The following WDFY4 variants were observed in gnomAD, a reference collection of about 807,000 sequenced individuals.
WDFY4 encodes the protein WDFY family member 4, also known as WD repeat- and FYVE domain-containing protein 4.
WDFY4 carries 169 observed loss-of-function variants against 351.9 expected under a neutral mutation model. That is an observed-to-expected ratio of 0.48 (90% CI 0.42 to 0.55). The LOEUF (loss-of-function observed/expected upper bound fraction) is 0.55. Ranked by LOEUF, WDFY4 falls within the 20% of genes least tolerant of loss-of-function variation. The pLI is 0.00. For synonymous variants in WDFY4, 1,622 were observed against 1,574.6 expected (o/e 1.03, Z -0.71); for missense variants, 3,803 against 3,935.6 (o/e 0.97, Z 0.90).
intron 47 of WDFY4, among the ~76,000 whole-genome samples, chr10:48,936,816 C>A (rs1169231732): frequency 1.7e-4 from 21 of 127,052 alleles, no homozygotes; most frequent in African/African-American, 3.9e-4. Context: ...CCAGCCTGGG[C>A]AACAGAGTGA....
At position 48,806,084 on chromosome 10, in the gene WDFY4, C is replaced by T. The variant is rs1203207580; in HGVS notation, c.4727C>T (p.Pro1576Leu). 6.4e-7 allele frequency: 1 copy of T among 1,551,696 alleles called. No individual in the cohort carries two copies. The highest frequency in any genetic ancestry group is 1.2e-5 in the South Asian group (1 of 84,060). ...RQICMDGALD[P>L]SLPAGSQTSG... ...ATCTGCATGGACGGAGCCCTGGACC[C>T]TTCCCTGCCTGGTGAGAAGACCTTT... Residue 1576 changes from proline (P) to leucine (L), a missense_variant, in exon 27 of 62, where the codon CCT becomes CTT. Physicochemically the swap from Pro to Leu is moderately conservative, Grantham distance 98 (BLOSUM62 -3). This residue lies in a region of WDFY4 where 3,054 missense variants were observed against 3,148.6 expected (regional missense o/e 0.97). Transcript: ENST00000325239.
At chr10:48,695,861 C>T (rs535585034) in intron 1 of WDFY4, among the ~76,000 whole-genome samples, 3 of 152,144 alleles carry the variant, frequency 2.0e-5, no homozygotes, top group African/African-American at 4.8e-5. Flanking sequence ...GTACACATAC[C>T]GAGATACAGA....
At chr10:48,899,366 T>C (rs1837243549) in intron 45 of WDFY4, among the ~76,000 whole-genome samples, 1 of 152,198 alleles carries the variant, frequency 6.6e-6, no homozygotes, top group South Asian at 2.1e-4. Flanking sequence ...AGATACCTTC[T>C]CTCTGCTCAG....
At chr10:48,717,728 A>G (rs1565123824) in intron 2 of WDFY4, among the ~76,000 whole-genome samples, 1 of 152,208 alleles carries the variant, frequency 6.6e-6, no homozygotes. Flanking sequence ...ATGTTGATGC[A>G]TCTAGCTCCA....
At chr10:48,970,972 T>C (rs1284263570) in intron 57 of WDFY4, among the ~76,000 whole-genome samples, 3 of 152,168 alleles carry the variant, frequency 2.0e-5, no homozygotes, top group Admixed American at 2.0e-4. Flanking sequence ...CCCTTCTGTA[T>C]ACTAATTTTT....
At chr10:48,749,463 C>T (rs2065114507) in intron 12 of WDFY4, among the ~76,000 whole-genome samples, 1 of 152,054 alleles carries the variant, frequency 6.6e-6, no homozygotes, top group Non-Finnish European at 1.5e-5. Flanking sequence ...CATGAATACA[C>T]ACCACACATA....
At position 48,982,716 on chromosome 10, in the gene WDFY4, A is replaced by G; in HGVS notation, c.*141A>G. On this transcript the variant is annotated 3_prime_UTR_variant, in exon 62 of 62. Transcript: ENST00000325239. ...TCTCAAGGAAGGGCCTCTGGCAATC[A>G]CAGCTCTGCAGCCCAACCCTCTCCA... 1 of 802,468 alleles carries G rather than the reference A, an allele frequency of 1.2e-6. No homozygotes were observed. The highest frequency in any genetic ancestry group is 2.1e-6 in the Non-Finnish European group (1 of 483,236). 49.7% of individuals were successfully genotyped at this position (802,468 alleles called of 1,614,324 possible).
chr10:48,751,539 A>G (rs1228016708), intron 12 of WDFY4, among the ~76,000 whole-genome samples: 2 of 152,238 alleles, frequency 1.3e-5, no homozygotes, highest in East Asian at 3.9e-4. Context: ...CTTGGTAACC[A>G]ATTTGATGAG....
At chr10:48,797,847 C>T (rs1028947984) in intron 24 of WDFY4, among the ~76,000 whole-genome samples, 2 of 152,104 alleles carry the variant, frequency 1.3e-5, no homozygotes, top group Admixed American at 6.5e-5. Flanking sequence ...ATAAGTTTTA[C>T]CAAACTTTTG....
intron 35 of WDFY4, chr10:48,823,429 T>C (rs1053577700): frequency 2.5e-6 from 3 of 1,195,466 alleles, no homozygotes; most frequent in African/African-American, 1.6e-5. Context: ...TCACATCTCA[T>C]AGAGAGTGAA....
intron 43 of WDFY4, among the ~76,000 whole-genome samples, chr10:48,887,796 T>G (rs1589816001): frequency 1.3e-5 from 2 of 151,250 alleles, no homozygotes; most frequent in Non-Finnish European, 2.9e-5. Context: ...AAAAAAAAAT[T>G]TATGCTTCAG....
At chr10:48,725,081 CAAGCCCAGGGACAGG>C (rs2064221206) in intron 5 of WDFY4, among the ~76,000 whole-genome samples, 3 of 152,130 alleles carry the variant, frequency 2.0e-5, no homozygotes, top group Non-Finnish European at 4.4e-5. Flanking sequence ...AATGGCAATG[CAAGCCCAGGGACAGG>C]TGAGACCTTG....
Position 48,720,058 on chromosome 10 carries a change from G to T in WDFY4, c.282G>T (p.Arg94Ser). The T allele has an allele frequency of 4.5e-6, 7 of 1,551,750 alleles. No individual in the cohort carries two copies. Among genetic ancestry groups the T allele is most frequent in the Non-Finnish European group, 6.1e-6 (7 of 1,147,000 alleles). ...VGIICFPSLQ[R>S]LAEDVSDQLA... ...TCATCTGCTTTCCCAGTCTCCAAAGGCTGGCTGAAGACGTGTCTGACCAGC... is the reference window on the plus strand; with the variant it reads ...TCATCTGCTTTCCCAGTCTCCAAAGTCTGGCTGAAGACGTGTCTGACCAGC... The change falls in exon 3 of 62, where the codon AGG (arginine) becomes AGT (serine). Residue 94 changes from arginine (R) to serine (S), a missense_variant. Physicochemically the swap from Arg to Ser is moderately radical, Grantham distance 110. This residue lies in a region of WDFY4 where 488 missense variants were observed against 456.8 expected (regional missense o/e 1.07). Transcript: ENST00000325239.
At chr10:48,816,998 A>G (rs2067641561) in intron 31 of WDFY4, among the ~76,000 whole-genome samples, 1 of 152,224 alleles carries the variant, frequency 6.6e-6, no homozygotes, top group South Asian at 2.1e-4. Context: ...AGGGGTAAAC[A>G]TAGAACCTAC....
At chr10:48,959,586 G>T in intron 52 of WDFY4, 136 bp from the exon 53 acceptor site, 2 of 771,398 alleles carry the variant, frequency 2.6e-6, no homozygotes, top group Middle Eastern at 2.3e-4. Context: ...ATTGAAAGCA[G>T]CATGGTCTGC....
At chr10:48,787,877 TC>T (rs2066481660) in intron 20 of WDFY4, among the ~76,000 whole-genome samples, 4 of 118,914 alleles carry the variant, frequency 3.4e-5, no homozygotes, top group African/African-American at 1.9e-4. Context: ...CTTTCTTCTT[TC>T]TTTCTTCTTC....
At chr10:48,926,811 A>G (rs1839609228) in intron 47 of WDFY4, among the ~76,000 whole-genome samples, 1 of 152,216 alleles carries the variant, frequency 6.6e-6, no homozygotes, top group Admixed American at 6.5e-5. Flanking sequence ...TGGGGCACAC[A>G]TAATGCCACG....
chr10:48,902,622 G>GAA (rs947619450), intron 47 of WDFY4, among the ~76,000 whole-genome samples: 1 of 147,794 alleles, frequency 6.8e-6, no homozygotes, highest in African/African-American at 2.5e-5. Context: ...CAAGCAAATA[G>GAA]AAAAAAAAAA....
intron 1 of WDFY4, among the ~76,000 whole-genome samples, chr10:48,685,595 C>T (rs1163894657): frequency 6.6e-6 from 1 of 152,192 alleles, no homozygotes; most frequent in Non-Finnish European, 1.5e-5. Flanking sequence ...ACCATTGAAA[C>T]GCCTGCATTT....
Sources: allele counts gnomAD v4.1 joint callset (sites outside exome capture counted in the v4.1 genomes callset), GRCh38; gene constraint gnomAD v4.1.1; regional missense constraint gnomAD v4.1.1; transcripts MANE v1.5; gene names NCBI Gene and HGNC (gene_info 2026-07-23, HGNC 2026-07-21).